The following CFAP221 variants were observed in gnomAD, a reference collection of about 807,000 sequenced individuals.
The protein encoded by CFAP221 is cilia- and flagella-associated protein 221.
In CFAP221, 97 loss-of-function variants were observed where a neutral mutation model predicts 113.1. The ratio of observed to expected loss-of-function variants is 0.86; its 90% CI spans 0.73 to 1.02. The LOEUF (loss-of-function observed/expected upper bound fraction) is 1.02. CFAP221 is among the 50% of genes least tolerant of loss of function. The pLI is 0.00. For missense variants in CFAP221, 1,025 were observed against 1,013.4 expected (o/e 1.01, Z -0.16); for synonymous variants, 331 against 354.4 (o/e 0.93, Z 0.74).
intron 6 of CFAP221, among the ~76,000 whole-genome samples, chr2:119,574,094 G>A (rs1682257188): frequency 6.6e-6 from 1 of 152,212 alleles, no homozygotes; most frequent in Non-Finnish European, 1.5e-5. Context: ...AAGAAAGCCA[G>A]TGTTGACCTT....
intron 22 of CFAP221, among the ~76,000 whole-genome samples, chr2:119,650,191 G>A (rs1039371974): frequency 7.2e-5 from 11 of 152,298 alleles, no homozygotes; most frequent in Non-Finnish European, 4.4e-5. Context: ...TATATTGATA[G>A]TTTAAGTATA....
In CFAP221 at chr2:119,656,282, C is replaced by T. The variant is rs1363707115; in HGVS notation, c.2415-80C>T. ...AAACGAAATGCTCCTCCGACCTTCA[C>T]CAGCACTGCTGGCGGGGGGTGATTT... On this transcript the variant is annotated intron_variant, in intron 23 of 23. Coordinates refer to ENST00000413369, the MANE Select transcript of CFAP221 (RefSeq NM_001271049.2). 2.7e-6 allele frequency: 3 copies of T among 1,105,626 alleles called. No individual in the cohort carries two copies. In the African/African-American group the frequency reaches 4.6e-5, roughly 17 times the overall value. The allele number at this position is 1,105,626 out of a possible 1,614,324, so 68.5% of individuals were successfully genotyped here.
chr2:119,636,557 G>A (rs1687126169), intron 19 of CFAP221, among the ~76,000 whole-genome samples: 1 of 152,222 alleles, frequency 6.6e-6, no homozygotes, highest in African/African-American at 2.4e-5. Context: ...GCATAGTAAT[G>A]AGTCAGTAGA....
At chr2:119,635,109 G>C (rs991081189) in intron 19 of CFAP221, among the ~76,000 whole-genome samples, 12 of 152,132 alleles carry the variant, frequency 7.9e-5, no homozygotes, top group African/African-American at 2.7e-4. Context: ...ATATGCACAC[G>C]AGAAGATGCA....
chr2:119,560,704 T>C (rs1470681212), intron 5 of CFAP221, among the ~76,000 whole-genome samples: 2 of 152,176 alleles, frequency 1.3e-5, no homozygotes, highest in Non-Finnish European at 2.9e-5. Context: ...TAGTAACAAA[T>C]GAGTTTCTAC....
intron 2 of CFAP221, among the ~76,000 whole-genome samples, chr2:119,547,428 AG>A (rs954220036): frequency 2.6e-5 from 4 of 152,014 alleles, no homozygotes; most frequent in African/African-American, 9.7e-5. Flanking sequence ...GTGTGGTGGC[AG>A]GCGCCTGTAA....
At chr2:119,557,434 A>C (rs530217303) in intron 3 of CFAP221, 1 of 152,364 alleles carries the variant, frequency 6.6e-6, no homozygotes, top group East Asian at 1.9e-4. Flanking sequence ...CGAATACTTT[A>C]GTAAAGTGCA....
At position 119,552,777 on chromosome 2, in the gene CFAP221, ATTTC is replaced by A. The variant is rs1286367030; in HGVS notation, c.240+3600_240+3603del. 2.4e-4 allele frequency among the ~76,000 whole-genome samples: 23 copies of A among 97,806 alleles called. 2 individuals are homozygous for A. The highest frequency in any genetic ancestry group is 8.7e-4 in the African/African-American group (22 of 25,218). 64.2% of individuals were successfully genotyped at this position (97,806 alleles called of 152,430 possible). On this transcript the variant is annotated intron_variant, in intron 3 of 23. Transcript: ENST00000413369. The stretch of plus-strand genomic sequence containing the variant: ...TCTTTAATAAGAAATAAATAGAAAT[ATTTC>A]TTTCTTTAATAAGAAATAAATAGAA...
At chr2:119,567,546 A>G (rs1465614653) in intron 6 of CFAP221, among the ~76,000 whole-genome samples, 3 of 152,184 alleles carry the variant, frequency 2.0e-5, no homozygotes, top group Non-Finnish European at 2.9e-5. Flanking sequence ...GCAGCTTCTA[A>G]GTTTTGGTAA....
chr2:119,581,651 G>A (rs1328330999), intron 6 of CFAP221, among the ~76,000 whole-genome samples: 19 of 152,122 alleles, frequency 1.2e-4, no homozygotes, highest in Admixed American at 1.2e-3. Context: ...GGAGGGAATG[G>A]TATAGAATAA....
intron 23 of CFAP221, among the ~76,000 whole-genome samples, chr2:119,653,883 T>A (rs1426632049): frequency 6.6e-6 from 1 of 152,220 alleles, no homozygotes; most frequent in Non-Finnish European, 1.5e-5. Flanking sequence ...ATTCTTTGTT[T>A]ACAAGTTATA....
Position 119,652,015 on chromosome 2 carries a change from A to G in CFAP221, c.2360A>G (p.Glu787Gly), listed in dbSNP as rs1331231998. Residue 787 changes from glutamate (E) to glycine (G), a missense_variant, in exon 23 of 24, where the codon GAA becomes GGA. By Grantham distance (98) the Glu-to-Gly change is moderately conservative. Coordinates refer to ENST00000413369, the MANE Select transcript of CFAP221 (RefSeq NM_001271049.2). Reference protein sequence around the residue: ...EQNVEVMLTPEMIKVEFPMLN... With the variant: ...EQNVEVMLTPGMIKVEFPMLN... Reference sequence around the variant, plus strand: ...AATGTAGAAGTTATGTTGACTCCAGAAATGATCAAAGTGGAATTCCCTATG... The same window carrying G: ...AATGTAGAAGTTATGTTGACTCCAGGAATGATCAAAGTGGAATTCCCTATG... 6.2e-6 allele frequency: 10 copies of G among 1,613,462 alleles called. No homozygotes were observed. The highest frequency in any genetic ancestry group is 8.5e-6 in the Non-Finnish European group (10 of 1,179,748).
intron 8 of CFAP221, among the ~76,000 whole-genome samples, chr2:119,602,110 T>G (rs1465319819): frequency 1.8e-4 from 27 of 152,174 alleles, no homozygotes; most frequent in Admixed American, 1.8e-3. Context: ...CTGGGTATGG[T>G]GACTCGCGCC....
chr2:119,610,033 T>C (rs1685042557), intron 12 of CFAP221, among the ~76,000 whole-genome samples: 3 of 152,184 alleles, frequency 2.0e-5, no homozygotes, highest in Admixed American at 2.0e-4. Flanking sequence ...TTGCATGCTT[T>C]CTTAAAAACA....
intron 11 of CFAP221, 147 bp from the exon 12 acceptor site, chr2:119,608,355 C>T (rs1362823712): frequency 5.7e-6 from 3 of 523,102 alleles, no homozygotes. Flanking sequence ...TTGCTGAAGC[C>T]TCTATAACTA....
chr2:119,631,992 C>T (rs1396093725), intron 19 of CFAP221, among the ~76,000 whole-genome samples: 1 of 152,162 alleles, frequency 6.6e-6, no homozygotes, highest in Non-Finnish European at 1.5e-5. Context: ...AGCTTTATAT[C>T]TGTTAAAGAA....
chr2:119,592,644 C>CACCT lies in CFAP221; in HGVS notation c.631+5424_631+5427dup, dbSNP rs1453294388. Among the ~76,000 whole-genome samples, 5 of 152,340 alleles carry CACCT rather than the reference C, an allele frequency of 3.3e-5. No individual in the cohort carries two copies. The East Asian group carries it at 7.7e-4, about 23-fold the overall frequency. On this transcript the variant is annotated intron_variant, in intron 7 of 23. Transcript: ENST00000413369. ...GTTTTTCTGGCTGTCTGGATGCTGTCACCTAGTGGCTTGTTAACCAGAGGC... is the reference window on the plus strand; with the variant it reads ...GTTTTTCTGGCTGTCTGGATGCTGTCACCTACCTAGTGGCTTGTTAACCAGAGGC...
At chr2:119,567,943 A>G (rs1483573238) in intron 6 of CFAP221, among the ~76,000 whole-genome samples, 2 of 152,024 alleles carry the variant, frequency 1.3e-5, no homozygotes, top group Non-Finnish European at 2.9e-5. Context: ...TACCAGTTAT[A>G]TTTCTTTGTT....
chr2:119,638,489 T>A, intron 20 of CFAP221, 72 bp downstream of exon 20: 1 of 1,569,756 alleles, frequency 6.4e-7, no homozygotes, highest in Non-Finnish European at 8.7e-7. Context: ...AAGGACAGGG[T>A]CACAGCTGGA....
Sources: allele counts gnomAD v4.1 joint callset (sites outside exome capture counted in the v4.1 genomes callset), GRCh38; gene constraint gnomAD v4.1.1; transcripts MANE v1.5; gene names NCBI Gene and HGNC (gene_info 2026-07-23, HGNC 2026-07-21).